Variants in DTNB observed in about 807,000 individuals in gnomAD.
DTNB encodes dystrobrevin beta.
In DTNB, 63 loss-of-function variants were observed where a neutral mutation model predicts 90.7. The observed-to-expected ratio is 0.69, with a 90% confidence interval of 0.57 to 0.86. The LOEUF is 0.86. Ranked by LOEUF, DTNB falls within the 40% of genes least tolerant of loss-of-function variation. The probability of loss-of-function intolerance (pLI) is 0.00; values close to 1 mark genes in which losing one functional copy is unlikely to be tolerated. For missense variants in DTNB, 744 were observed against 807.1 expected, an observed-to-expected ratio of 0.92 and a Z score of 0.95; for synonymous variants, 277 against 286.7, an observed-to-expected ratio of 0.97 and a Z score of 0.34.
Position 25,427,647 on chromosome 2 carries a change from A to C in DTNB, c.1458-16T>G. ...CTTCCTTTGCCTATCCAAGACGAGAAGCCTATCAGATAAAGAGACCCTCAA... is the reference window on the plus strand; with the variant it reads ...CTTCCTTTGCCTATCCAAGACGAGACGCCTATCAGATAAAGAGACCCTCAA... On this transcript the variant is annotated splice_polypyrimidine_tract_variant and intron_variant, in intron 14 of 20. Coordinates refer to ENST00000406818, the MANE Select transcript of DTNB (RefSeq NM_021907.5). The C allele has an allele frequency of 6.2e-7, 1 of 1,610,768 alleles. No individual in the cohort carries two copies. The highest frequency in any genetic ancestry group is 8.5e-7 in the Non-Finnish European group (1 of 1,179,402).
chr2:25,569,257 T>A (rs1194252182), intron 8 of DTNB, among the ~76,000 whole-genome samples: 3 of 152,164 alleles, frequency 2.0e-5, no homozygotes, highest in Admixed American at 2.0e-4. Context: ...TGATTGGTGT[T>A]TAATGTCACT....
In DTNB at chr2:25,478,777, C is replaced by T. The variant is rs376689939; in HGVS notation, c.1079+4019G>A. Among the ~76,000 whole-genome samples, 126 of 152,306 alleles carry T rather than the reference C, an allele frequency of 8.3e-4. 1 individual carries two copies. In the South Asian group the frequency reaches 0.012, roughly 15 times the overall value. On this transcript the variant is annotated intron_variant, in intron 10 of 20. Transcript: ENST00000406818. ...ACATACACACAAGGATGGACAGCAA[C>T]GCAATCCAGGACACAAGAATCCTTC...
chr2:25,590,848 G>A (rs573155762), intron 6 of DTNB, among the ~76,000 whole-genome samples: 117 of 152,346 alleles, frequency 7.7e-4, no homozygotes, highest in African/African-American at 2.7e-3. Context: ...GGGCTTCACC[G>A]GGGACCCACG....
chr2:25,479,720 C>T (rs2064520696), intron 10 of DTNB, among the ~76,000 whole-genome samples: 1 of 152,088 alleles, frequency 6.6e-6, no homozygotes, highest in African/African-American at 2.4e-5. Context: ...TTACTTTTGG[C>T]CACTGTGATT....
chr2:25,629,409 T>C (rs2075191934), intron 3 of DTNB, among the ~76,000 whole-genome samples: 1 of 152,178 alleles, frequency 6.6e-6, no homozygotes, highest in African/African-American at 2.4e-5. Flanking sequence ...AGATGGCTGG[T>C]GCGGACCCAA....
intron 9 of DTNB, among the ~76,000 whole-genome samples, chr2:25,511,455 C>G (rs2073928891): frequency 6.6e-6 from 1 of 152,098 alleles, no homozygotes; most frequent in Non-Finnish European, 1.5e-5. Flanking sequence ...TATCAGCCTC[C>G]CAAGTAGCTG....
At chr2:25,558,221 G>A in intron 8 of DTNB, 5 of 985,420 alleles carry the variant, frequency 5.1e-6, no homozygotes, top group Non-Finnish European at 6.0e-6. Flanking sequence ...TTTAGAGAAA[G>A]AGTTCAACCC....
chr2:25,628,591 T>C (rs1429709099), intron 3 of DTNB, among the ~76,000 whole-genome samples: 4 of 152,178 alleles, frequency 2.6e-5, no homozygotes, highest in Non-Finnish European at 5.9e-5. Flanking sequence ...GAAGGACTAC[T>C]TCCAGCCTTC....
intron 16 of DTNB, among the ~76,000 whole-genome samples, chr2:25,416,674 GA>G (rs979875404): frequency 1.3e-5 from 2 of 151,518 alleles, no homozygotes; most frequent in Non-Finnish European, 2.9e-5. Context: ...TCAGAAAAAA[GA>G]AAAAAATTTT....
At chr2:25,406,742 T>C (rs1050832854) in intron 16 of DTNB, among the ~76,000 whole-genome samples, 1 of 152,108 alleles carries the variant, frequency 6.6e-6, no homozygotes, top group African/African-American at 2.4e-5. Context: ...CTACAGAGGA[T>C]GGTCTGCCCA....
intron 10 of DTNB, among the ~76,000 whole-genome samples, chr2:25,471,092 T>C (rs1211575285): frequency 6.6e-6 from 1 of 152,214 alleles, no homozygotes; most frequent in Non-Finnish European, 1.5e-5. Context: ...GAAAATAGTG[T>C]GTGCCTTCGC....
At chr2:25,659,859 A>G (rs77838810) in intron 1 of DTNB, among the ~76,000 whole-genome samples, 1,734 of 152,290 alleles carry the variant, frequency 0.011, 57 homozygotes, top group East Asian at 0.093. Flanking sequence ...TTTTGTAGCC[A>G]GCATTACCTA....
intron 3 of DTNB, among the ~76,000 whole-genome samples, chr2:25,630,868 G>A (rs12613340): frequency 0.18 from 15,871 of 90,130 alleles, 1,344 homozygotes; most frequent in East Asian, 0.57. Flanking sequence ...AAAAAAAAAA[G>A]GGGATGAAGT....
intron 4 of DTNB, among the ~76,000 whole-genome samples, chr2:25,613,854 A>G (rs2069390593): frequency 6.6e-6 from 1 of 152,144 alleles, no homozygotes. Flanking sequence ...GCTACTCAGG[A>G]GGCTGAGGCA....
intron 9 of DTNB, among the ~76,000 whole-genome samples, chr2:25,495,286 G>A (rs767819225): frequency 1.3e-5 from 2 of 152,030 alleles, no homozygotes; most frequent in Admixed American, 6.6e-5. Context: ...GGCTGGTCTC[G>A]AACTCCTGGG....
At chr2:25,613,116 T>G (rs2069099536) in intron 4 of DTNB, among the ~76,000 whole-genome samples, 1 of 152,134 alleles carries the variant, frequency 6.6e-6, no homozygotes, top group Admixed American at 6.5e-5. Context: ...TTTTATTCAT[T>G]TATTTATTTA....
At chr2:25,395,061 G>T (rs2042045301) in intron 16 of DTNB, among the ~76,000 whole-genome samples, 1 of 152,172 alleles carries the variant, frequency 6.6e-6, no homozygotes, top group Non-Finnish European at 1.5e-5. Flanking sequence ...AAAAAAGAAT[G>T]AAATAATGGC....
At position 25,540,509 on chromosome 2, in the gene DTNB, C is replaced by T. The variant is rs569053058; in HGVS notation, c.877-8912G>A. Among the ~76,000 whole-genome samples, 86 of 152,004 alleles carry T rather than the reference C, an allele frequency of 5.7e-4. 4 individuals carry two copies. In the South Asian group the frequency reaches 0.017, roughly 29 times the overall value. ...TATTATTATTTTAGAGACAGGGTCT[C>T]GCTGTTGCCCAGGCTGGAGTGCAAC... On this transcript the variant is annotated intron_variant, in intron 8 of 20. Transcript: ENST00000406818.
rs1305604586 is a variant in DTNB at position 25,388,190 on chromosome 2, C to T, written c.1735+12G>A. ...CTTCAGCTCCCCGCTGAACTCTGCT[C>T]CAGAAACTCACCTTGTGCGAAGGCC... On this transcript the variant is annotated intron_variant, in intron 17 of 20. Coordinates refer to ENST00000406818, the MANE Select transcript of DTNB (RefSeq NM_021907.5). The T allele has an allele frequency of 6.4e-7, 1 of 1,558,202 alleles. No individual in the cohort carries two copies. The highest frequency in any genetic ancestry group is 1.2e-5 in the South Asian group (1 of 84,794).
Sources: gnomAD v4.1 joint callset for allele counts (sites outside exome capture counted in the v4.1 genomes callset) on GRCh38, gnomAD v4.1.1 for gene constraint, MANE v1.5 for transcripts, NCBI Gene and HGNC (gene_info 2026-07-23, HGNC 2026-07-21) for gene names.